PCED1B: variants seen among roughly 807,000 people sequenced by gnomAD.
PCED1B encodes the protein PC-esterase domain containing 1B.
For missense variants in PCED1B, 573 were observed against 573.9 expected, an observed-to-expected ratio of 1.00 and a Z score of 0.02; for synonymous variants, 251 against 246.1, an observed-to-expected ratio of 1.02 and a Z score of -0.19.
intron 2 of PCED1B, among the ~76,000 whole-genome samples, chr12:47,140,212 A>G (rs890141696): frequency 6.6e-6 from 1 of 152,238 alleles, no homozygotes; most frequent in South Asian, 2.1e-4. Flanking sequence ...CTGAAAAAGA[A>G]CATTGTTTTG....
chr12:47,155,550 T>C (rs1024810258), intron 2 of PCED1B, among the ~76,000 whole-genome samples: 1 of 152,208 alleles, frequency 6.6e-6, no homozygotes, highest in Non-Finnish European at 1.5e-5. Context: ...GTTGAACAAA[T>C]AATATGTTGC....
intron 2 of PCED1B, among the ~76,000 whole-genome samples, chr12:47,155,083 A>T (rs1047780174): frequency 6.6e-6 from 1 of 152,212 alleles, no homozygotes; most frequent in Non-Finnish European, 1.5e-5. Context: ...TCTTAGGAAC[A>T]GATGTGTTGC....
At chr12:47,119,789 A>G (rs1939594630) in intron 2 of PCED1B, among the ~76,000 whole-genome samples, 1 of 151,384 alleles carries the variant, frequency 6.6e-6, no homozygotes, top group African/African-American at 2.4e-5. Flanking sequence ...ATATGGGAAA[A>G]CCCCATCTCC....
At chr12:47,123,150 C>CT (rs1939748255) in intron 2 of PCED1B, among the ~76,000 whole-genome samples, 1 of 152,112 alleles carries the variant, frequency 6.6e-6, no homozygotes, top group Non-Finnish European at 1.5e-5. Flanking sequence ...TAGTTTTCCA[C>CT]AAAACAAGGT....
At chr12:47,116,254 T>C (rs1205656038) in intron 2 of PCED1B, among the ~76,000 whole-genome samples, 2 of 152,084 alleles carry the variant, frequency 1.3e-5, no homozygotes, top group South Asian at 2.1e-4. Flanking sequence ...ACAAAAAAGA[T>C]GTTGATAAGC....
intron 1 of PCED1B, among the ~76,000 whole-genome samples, chr12:47,093,765 C>G (rs1319423364): frequency 3.3e-5 from 5 of 151,890 alleles, no homozygotes; most frequent in Non-Finnish European, 7.4e-5. Context: ...TTTAGCTTAA[C>G]TTCCACTGTG....
At chr12:47,215,227 T>G (rs1943215683) in intron 2 of PCED1B, among the ~76,000 whole-genome samples, 1 of 151,692 alleles carries the variant, frequency 6.6e-6, no homozygotes, top group East Asian at 1.9e-4. Flanking sequence ...TACACTTATC[T>G]AATCAATCAG....
At chr12:47,091,260 T>A (rs1284202867) in intron 1 of PCED1B, among the ~76,000 whole-genome samples, 2 of 152,192 alleles carry the variant, frequency 1.3e-5, no homozygotes, top group Non-Finnish European at 2.9e-5. Context: ...TATTTTATTA[T>A]GGTTTTATGT....
At chr12:47,190,034 C>T (rs1167161006) in intron 2 of PCED1B, among the ~76,000 whole-genome samples, 1 of 152,152 alleles carries the variant, frequency 6.6e-6, no homozygotes, top group African/African-American at 2.4e-5. Flanking sequence ...GCTTGAAGTG[C>T]AGAAACTACT....
chr12:47,098,594 T>G (rs985878183), intron 1 of PCED1B, among the ~76,000 whole-genome samples: 18 of 152,200 alleles, frequency 1.2e-4, no homozygotes, highest in Admixed American at 1.3e-4. Flanking sequence ...CCCATTCTCC[T>G]GCCTCAGCAT....
chr12:47,167,381 G>GTTGACCAACTA (rs1467016598), intron 2 of PCED1B, among the ~76,000 whole-genome samples: 48 of 152,202 alleles, frequency 3.2e-4, no homozygotes, highest in African/African-American at 1.1e-3. Flanking sequence ...AAAATGAAGT[G>GTTGACCAACTA]GGAACTGAAA....
At chr12:47,188,207 A>G (rs550279717) in intron 2 of PCED1B, among the ~76,000 whole-genome samples, 1 of 152,298 alleles carries the variant, frequency 6.6e-6, no homozygotes, top group Admixed American at 6.5e-5. Context: ...GGTTCCCAGC[A>G]TCTAACACCA....
intron 3 of PCED1B, among the ~76,000 whole-genome samples, chr12:47,231,207 C>T (rs965726316): frequency 1.3e-5 from 2 of 152,084 alleles, no homozygotes; most frequent in African/African-American, 4.8e-5. Flanking sequence ...AGAAGAGAAG[C>T]GCGTATGTTT....
intron 2 of PCED1B, among the ~76,000 whole-genome samples, chr12:47,113,588 A>C (rs1035564412): frequency 1.3e-5 from 2 of 152,214 alleles, no homozygotes; most frequent in African/African-American, 4.8e-5. Context: ...GGCTTCAGAC[A>C]ATCAGATTTT....
intron 2 of PCED1B, among the ~76,000 whole-genome samples, chr12:47,110,051 T>C (rs1939124244): frequency 6.6e-6 from 1 of 152,230 alleles, no homozygotes; most frequent in African/African-American, 2.4e-5. Flanking sequence ...GAGTTTAGAA[T>C]TGGCCTGAAT....
rs558262021 is a variant in PCED1B at position 47,098,482 on chromosome 12, AATTT to A, written c.-608-5622_-608-5619del. On this transcript the variant is annotated intron_variant, in intron 1 of 3. Coordinates refer to ENST00000546455, the MANE Select transcript of PCED1B (RefSeq NM_138371.3). Reference sequence around the variant, plus strand: ...GGAATTAATAACAATATTATTTATTAATTTATTTATTTTATTTATGTTTTGAGAT... The same window carrying A: ...GGAATTAATAACAATATTATTTATTAATTTATTTTATTTATGTTTTGAGAT... Among the ~76,000 whole-genome samples the A allele has an allele frequency of 2.7e-3, 412 of 152,290 alleles. 2 individuals carry two copies. Among genetic ancestry groups the A allele is most frequent in the African/African-American group, 9.3e-3 (387 of 41,574 alleles).
intron 2 of PCED1B, among the ~76,000 whole-genome samples, chr12:47,109,971 A>T (rs1427190481): frequency 2.0e-5 from 3 of 152,194 alleles, no homozygotes; most frequent in Non-Finnish European, 4.4e-5. Context: ...TGGGCAGTAT[A>T]TCAAACTCTT....
intron 1 of PCED1B, among the ~76,000 whole-genome samples, chr12:47,099,229 G>A (rs1274970654): frequency 1.3e-5 from 2 of 152,222 alleles, no homozygotes; most frequent in Non-Finnish European, 2.9e-5. Context: ...GACAGTAAGG[G>A]ATAACAATTC....
At chr12:47,184,451 C>G (rs112229444) in intron 2 of PCED1B, among the ~76,000 whole-genome samples, 285 of 152,256 alleles carry the variant, frequency 1.9e-3, no homozygotes, top group African/African-American at 6.6e-3. Flanking sequence ...CATCTGCTCT[C>G]GGTAACTGCT....
Sources: gnomAD v4.1 joint callset for allele counts (sites outside exome capture counted in the v4.1 genomes callset) on GRCh38, gnomAD v4.1.1 for gene constraint, MANE v1.5 for transcripts, NCBI Gene and HGNC (gene_info 2026-07-23, HGNC 2026-07-21) for gene names.